ERICH3: variants seen among roughly 807,000 people sequenced by gnomAD.
ERICH3 encodes the protein glutamate-rich protein 3.
In ERICH3, 126 loss-of-function variants were observed where a neutral mutation model predicts 131.1. That is an observed-to-expected ratio of 0.96 (90% confidence interval 0.83 to 1.11). The LOEUF (loss-of-function observed/expected upper bound fraction) is 1.11, where lower values mean the gene tolerates loss of function less well. ERICH3 is among the 50% of genes most tolerant of loss of function. The pLI is 0.00. For missense variants in ERICH3, 2,050 were observed against 1,810.7 expected (o/e 1.13, Z -2.40); for synonymous variants, 695 against 644.6 (o/e 1.08, Z -1.18).
chr1:74,667,427 G>A (rs1420778240), intron 1 of ERICH3, among the ~76,000 whole-genome samples: 1 of 152,112 alleles, frequency 6.6e-6, no homozygotes, highest in Non-Finnish European at 1.5e-5. Flanking sequence ...AGCCATAGCA[G>A]GGGAAATTCC....
intron 13 of ERICH3, among the ~76,000 whole-genome samples, chr1:74,576,111 A>G (rs1647049151): frequency 6.6e-6 from 1 of 152,202 alleles, no homozygotes; most frequent in Admixed American, 6.5e-5. Flanking sequence ...ACACCTCTCT[A>G]ATCTTTCATT....
chr1:74,620,131 G>C (rs1386005562), intron 8 of ERICH3, among the ~76,000 whole-genome samples: 1 of 152,148 alleles, frequency 6.6e-6, no homozygotes, highest in Non-Finnish European at 1.5e-5. Context: ...TTTCACTGCT[G>C]CTCCCTTGAA....
At chr1:74,606,978 A>G (rs1361207157) in intron 9 of ERICH3, 76 bp from the exon 10 acceptor site, 7 of 1,328,942 alleles carry the variant, frequency 5.3e-6, no homozygotes, top group Non-Finnish European at 7.2e-6. Context: ...TTTTGAAAGC[A>G]CTTATCTCTT....
intron 11 of ERICH3, among the ~76,000 whole-genome samples, chr1:74,598,315 A>AT (rs2100574995): frequency 6.6e-6 from 1 of 152,020 alleles, no homozygotes; most frequent in African/African-American, 2.4e-5. Flanking sequence ...AAAAACTCAT[A>AT]AATTTCATAG....
intron 11 of ERICH3, among the ~76,000 whole-genome samples, chr1:74,594,582 A>G (rs1254219370): frequency 6.6e-6 from 1 of 152,056 alleles, no homozygotes; most frequent in African/African-American, 2.4e-5. Context: ...CCTTGCTTCT[A>G]CCTATAATAC....
intron 1 of ERICH3, among the ~76,000 whole-genome samples, chr1:74,666,316 C>T (rs1244411880): frequency 6.6e-6 from 1 of 151,962 alleles, no homozygotes; most frequent in Non-Finnish European, 1.5e-5. Context: ...GAATCCAGAT[C>T]TATATGAAAT....
intron 1 of ERICH3, among the ~76,000 whole-genome samples, chr1:74,669,440 G>T (rs1157276139): frequency 6.6e-6 from 1 of 152,082 alleles, no homozygotes; most frequent in Non-Finnish European, 1.5e-5. Flanking sequence ...AGCCAGAAGA[G>T]ACATATCATT....
Position 74,571,157 on chromosome 1 carries a change from C to T in ERICH3, c.4553G>A (p.Ser1518Asn). 6.2e-7 allele frequency: 1 copy of T among 1,614,088 alleles called. No individual in the cohort carries two copies. The highest frequency in any genetic ancestry group is 8.5e-7 in the Non-Finnish European group (1 of 1,179,996). ...EKQQHMVQGE[S>N]ETADVSPNNV... is the part of the protein sequence containing the mutation. ...GTTGGGGGAAACATCTGCAGTCTCGCTTTCTCCTTGCACCATATGCTGTTG... is the reference window on the plus strand; with the variant it reads ...GTTGGGGGAAACATCTGCAGTCTCGTTTTCTCCTTGCACCATATGCTGTTG... The change falls in exon 14 of 15, where the codon AGC becomes AAC. Residue 1518 changes from serine to asparagine, a missense_variant. Coordinates refer to ENST00000326665, the MANE Select transcript of ERICH3 (RefSeq NM_001002912.5).
At chr1:74,641,300 A>G (rs376441064) in intron 5 of ERICH3, 31 bp downstream of exon 5, 35 of 1,602,780 alleles carry the variant, frequency 2.2e-5, no homozygotes, top group Non-Finnish European at 2.7e-5. Context: ...TAGCTGGGAT[A>G]CTGCATGACG....
chr1:74,614,245 A>C (rs1442353612), intron 8 of ERICH3, among the ~76,000 whole-genome samples: 1 of 152,060 alleles, frequency 6.6e-6, no homozygotes, highest in African/African-American at 2.4e-5. Flanking sequence ...AAGTTGATGC[A>C]TCTTTTTTCT....
Position 74,572,896 on chromosome 1 carries a change from A to G in ERICH3, c.2814T>C (p.Ala938=). 2 of 1,613,768 alleles carry G rather than the reference A, an allele frequency of 1.2e-6. No individual in the cohort carries two copies. Among genetic ancestry groups the G allele is most frequent in the Non-Finnish European group, 8.5e-7 (1 of 1,179,964 alleles). Residue 938 remains alanine (A), a synonymous_variant, in exon 14 of 15, where the codon GCT becomes GCC. Coordinates refer to ENST00000326665, the MANE Select transcript of ERICH3 (RefSeq NM_001002912.5). The part of the protein sequence containing the change: ...SEEGEAEGGV[A]VSDVGESEEE... ...CTTCACTTTCTCCGACATCACTCAC[A>G]GCCACCCCACCCTCAGCCTCTCCCT...
intron 7 of ERICH3, among the ~76,000 whole-genome samples, chr1:74,629,069 A>T (rs1649506103): frequency 6.6e-6 from 1 of 152,150 alleles, no homozygotes; most frequent in Admixed American, 6.6e-5. Flanking sequence ...CTGAACATAT[A>T]TTAGCTCACA....
rs139403901 is a variant in ERICH3 at position 74,654,460 on chromosome 1, CT to C, written c.24-5146del. ...GGCTGCTCTAACAGAATACCATAGC[CT>C]AGGTAGCTTAAACAAACACTATTTT... On this transcript the variant is annotated intron_variant, in intron 1 of 14. Coordinates refer to ENST00000326665, the MANE Select transcript of ERICH3 (RefSeq NM_001002912.5). 9.5e-3 allele frequency among the ~76,000 whole-genome samples: 1,445 copies of C among 152,068 alleles called. 21 individuals carry two copies. Among genetic ancestry groups the C allele is most frequent in the Admixed American group, 0.027 (413 of 15,248 alleles).
At chr1:74,585,762 G>A (rs564073400) in intron 12 of ERICH3, among the ~76,000 whole-genome samples, 51 of 152,078 alleles carry the variant, frequency 3.4e-4, no homozygotes, top group African/African-American at 1.2e-3. Flanking sequence ...ATATATATGT[G>A]TGCATATTTT....
chr1:74,598,316 A>C (rs1009108989), intron 11 of ERICH3, among the ~76,000 whole-genome samples: 2 of 152,032 alleles, frequency 1.3e-5, no homozygotes, highest in African/African-American at 4.8e-5. Context: ...AAAACTCATA[A>C]ATTTCATAGG....
chr1:74,588,149 C>G (rs989368327), intron 12 of ERICH3, among the ~76,000 whole-genome samples: 1 of 152,076 alleles, frequency 6.6e-6, no homozygotes, highest in African/African-American at 2.4e-5. Flanking sequence ...CTATACTCCA[C>G]TATCTAAAAC....
At chr1:74,612,918 G>T (rs1443145072) in intron 8 of ERICH3, 109 bp from the exon 9 acceptor site, 1 of 952,368 alleles carries the variant, frequency 1.1e-6, no homozygotes, top group South Asian at 2.6e-5. Flanking sequence ...TAGATCAGGG[G>T]TGTCCAATCT....
rs907643489 is a variant in ERICH3 at position 74,636,249 on chromosome 1, A to C, written c.603+31T>G. On this transcript the variant is annotated intron_variant, in intron 6 of 14. Transcript: ENST00000326665. Reference sequence around the variant, plus strand: ...CCTATAATAATCTACTCAAAAATTAAAATATATTTATTGATAAAAATAACA... The same window carrying C: ...CCTATAATAATCTACTCAAAAATTACAATATATTTATTGATAAAAATAACA... 7 of 1,522,402 alleles carry C rather than the reference A, an allele frequency of 4.6e-6. No homozygotes were observed. In the Admixed American group the frequency reaches 1.4e-4, roughly 30 times the overall value. 94.3% of individuals were successfully genotyped at this position (1,522,402 alleles called of 1,614,324 possible). A position where few individuals can be genotyped will look rare whatever the true frequency, so the allele number is the denominator to read the frequency against.
intron 12 of ERICH3, chr1:74,578,609 C>G (rs1408138387): frequency 6.6e-6 from 1 of 152,146 alleles, no homozygotes; most frequent in Non-Finnish European, 1.5e-5. Context: ...CTTTTTCCCC[C>G]CTTTCTGTCC....
Sources: gnomAD v4.1 joint callset for allele counts (sites outside exome capture counted in the v4.1 genomes callset) on GRCh38, gnomAD v4.1.1 for gene constraint, MANE v1.5 for transcripts, NCBI Gene and HGNC (gene_info 2026-07-23, HGNC 2026-07-21) for gene names.